Variants in CYREN observed in about 807,000 individuals in gnomAD.
CYREN encodes the protein cell cycle regulator of NHEJ, also known as cell cycle regulator of non-homologous end joining.
A neutral mutation model predicts 9.7 loss-of-function variants in CYREN; 7 were observed. The ratio of observed to expected loss-of-function variants is 0.72; its 90% CI spans 0.41 to 1.36. The LOEUF is 1.36. CYREN is among the 40% of genes most tolerant of loss of function. The pLI, the probability that CYREN is intolerant of heterozygous loss-of-function variation, is 0.01. For synonymous variants in CYREN, 76 were observed against 77.9 expected (o/e 0.98, Z 0.13); for missense variants, 215 against 198.1 (o/e 1.09, Z -0.51).
chr7:135,142,371 G>T (rs528348188), intron 2 of CYREN, among the ~76,000 whole-genome samples: 5 of 151,994 alleles, frequency 3.3e-5, no homozygotes, highest in Non-Finnish European at 7.4e-5. Context: ...AATACAGTAC[G>T]TAATACATAT....
intron 2 of CYREN, among the ~76,000 whole-genome samples, chr7:135,158,823 A>G (rs2117452215): frequency 6.6e-6 from 1 of 152,340 alleles, no homozygotes; most frequent in East Asian, 1.9e-4. Flanking sequence ...TCCTTGAAGC[A>G]GCTCGGCAGC....
At chr7:135,171,020 G>T (rs557742462), upstream of CYREN, among the ~76,000 whole-genome samples, 37 of 152,338 alleles carry the variant, frequency 2.4e-4, no homozygotes, top group African/African-American at 7.7e-4. Flanking sequence ...GGAAAGGCCC[G>T]CCGGGAATTC....
chr7:135,107,276 T>G (rs1278587841), intron 2 of CYREN, among the ~76,000 whole-genome samples: 1 of 152,234 alleles, frequency 6.6e-6, no homozygotes, highest in African/African-American at 2.4e-5. Context: ...GGTTTGCTCC[T>G]GCTTCTCTAG....
intron 2 of CYREN, chr7:135,134,951 G>A: frequency 6.4e-7 from 1 of 1,551,128 alleles, no homozygotes; most frequent in East Asian, 2.4e-5. Context: ...TCTTCAGAAT[G>A]GGTCCAGTCT....
At chr7:135,132,449 T>C (rs1828896779) in intron 2 of CYREN, among the ~76,000 whole-genome samples, 1 of 152,212 alleles carries the variant, frequency 6.6e-6, no homozygotes. Flanking sequence ...AAATTGGTAT[T>C]CGACAGAATT....
intron 2 of CYREN, among the ~76,000 whole-genome samples, chr7:135,096,604 G>GATAGATAC (rs1822842415): frequency 1.3e-5 from 1 of 79,722 alleles, no homozygotes; most frequent in African/African-American, 3.6e-5. Context: ...TAGATAGATA[G>GATAGATAC]ATAGATAGAT....
chr7:135,115,727 C>A, intron 2 of CYREN: 2 of 832,800 alleles, frequency 2.4e-6, no homozygotes, highest in Non-Finnish European at 3.6e-6. Context: ...ATGATGTCAG[C>A]TCCATCACAT....
At chr7:135,169,324 A>C (rs1830476954) in intron 1 of CYREN, 1 of 156,014 alleles carries the variant, frequency 6.4e-6, no homozygotes, top group African/African-American at 2.4e-5. Flanking sequence ...TCAGCACAGG[A>C]GGAACGGAAG....
intron 2 of CYREN, chr7:135,134,699 T>C (rs1271905873): frequency 6.4e-6 from 5 of 784,992 alleles, no homozygotes; most frequent in Admixed American, 6.0e-5. Context: ...TGAAGACTTC[T>C]AAATGATGGT....
chr7:135,135,345 C>T, intron 2 of CYREN: 1 of 1,241,550 alleles, frequency 8.1e-7, no homozygotes, highest in Non-Finnish European at 1.1e-6. Context: ...AAGCCCTCCC[C>T]TTCCCCTTTC....
At chr7:135,102,262 T>A (rs1354381853) in intron 2 of CYREN, among the ~76,000 whole-genome samples, 1 of 152,214 alleles carries the variant, frequency 6.6e-6, no homozygotes, top group African/African-American at 2.4e-5. Flanking sequence ...AGTTTCTTCA[T>A]TAGGTCTAAA....
chr7:135,110,726 T>A (rs1304235484), intron 2 of CYREN, among the ~76,000 whole-genome samples: 1 of 152,222 alleles, frequency 6.6e-6, no homozygotes, highest in Non-Finnish European at 1.5e-5. Context: ...TTGTGTTCAC[T>A]CACTCCTTCA....
chr7:135,094,077 T>C (rs1585068810), exon 3 of CYREN: 2 of 277,462 alleles, frequency 7.2e-6, no homozygotes, highest in Non-Finnish European at 1.4e-5. Context: ...GTGTTCCTTA[T>C]ACCATACACT....
At position 135,111,569 on chromosome 7, in the gene CYREN, C is replaced by T. The variant is rs116369038; in HGVS notation, n.357-16987G>A. 2.3e-3 allele frequency among the ~76,000 whole-genome samples: 345 copies of T among 151,650 alleles called. 1 individual carries two copies. The highest frequency in any genetic ancestry group is 7.6e-3 in the African/African-American group (314 of 41,330). ...CCAAGACTTATCCTAATGTTGTACA[C>T]GTCTGTTTTTTGGTCTTTAATAACA... On this transcript the variant is annotated intron_variant and non_coding_transcript_variant, in intron 2 of 2. Transcript: ENST00000459937.
Position 135,167,746 on chromosome 7 carries a change from C to T in CYREN, c.199G>A (p.Gly67Arg). The T allele has an allele frequency of 6.2e-7, 1 of 1,614,128 alleles. No homozygotes were observed. Among genetic ancestry groups the T allele is most frequent in the Non-Finnish European group, 8.5e-7 (1 of 1,180,006 alleles). ...NEAEIVDVAL[G>R]ILIESRKQEK... Reference sequence around the variant, plus strand: ...TCTGACTTTACCTCAATCAGGATTCCCAGAGCAACATCAACTATCTCAGCC... The same window carrying T: ...TCTGACTTTACCTCAATCAGGATTCTCAGAGCAACATCAACTATCTCAGCC... The change falls in exon 3 of 4, where the codon GGA becomes AGA. Residue 67 changes from glycine (G) to arginine (R), a missense_variant. Physicochemically the swap from Gly to Arg is moderately radical, Grantham distance 125. Coordinates refer to ENST00000393114, the MANE Select transcript of CYREN (RefSeq NM_024033.4).
At chr7:135,129,200 C>T (rs1296911080) in intron 2 of CYREN, 24 of 1,422,080 alleles carry the variant, frequency 1.7e-5, no homozygotes, top group South Asian at 8.0e-5. Flanking sequence ...ACTGCCCCCA[C>T]GCATGCTGCC....
Position 135,115,461 on chromosome 7 carries a change from A to C in CYREN, n.357-20879T>G, listed in dbSNP as rs757729721. The C allele has an allele frequency of 5.7e-4, 881 of 1,551,312 alleles. No individual in the cohort carries two copies. The highest frequency in any genetic ancestry group is 7.4e-4 in the Non-Finnish European group (850 of 1,146,788). ...AAGACTGGCATAAATTGGACAGATG[A>C]TGAAAAAAGAAGCTACAAGGATAAA... On this transcript the variant is annotated intron_variant and non_coding_transcript_variant, in intron 2 of 2. Transcript: ENST00000459937.
intron 2 of CYREN, among the ~76,000 whole-genome samples, chr7:135,112,308 A>G (rs1825756855): frequency 6.6e-6 from 1 of 152,216 alleles, no homozygotes; most frequent in Non-Finnish European, 1.5e-5. Context: ...TTTCTTGCGT[A>G]AAATCTTCAA....
intron 2 of CYREN, among the ~76,000 whole-genome samples, chr7:135,106,663 C>G (rs1441226023): frequency 6.6e-6 from 1 of 152,034 alleles, no homozygotes; most frequent in Non-Finnish European, 1.5e-5. Flanking sequence ...AGGATATTGG[C>G]CTGAAGTTTT....
Sources: gnomAD v4.1 joint callset for allele counts (sites outside exome capture counted in the v4.1 genomes callset) on GRCh38, gnomAD v4.1.1 for gene constraint, MANE v1.5 for transcripts, NCBI Gene and HGNC (gene_info 2026-07-23, HGNC 2026-07-21) for gene names.